The following CBL variants were observed in gnomAD, a reference collection of about 807,000 sequenced individuals.
The protein encoded by CBL is E3 ubiquitin-protein ligase CBL.
Under a neutral mutation model 96.9 loss-of-function variants are expected in CBL, and 45 were observed. That is an observed-to-expected ratio of 0.46 (90% CI 0.37 to 0.60). The LOEUF (loss-of-function observed/expected upper bound fraction) is 0.60. Ranked by LOEUF, CBL falls within the 20% of genes least tolerant of loss-of-function variation. CBL has a pLI of 0.00. For synonymous variants in CBL, 420 were observed against 426.8 expected (o/e 0.98, Z 0.20); for missense variants, 1,024 against 1,143.5 (o/e 0.90, Z 1.51).
chr11:119,276,257 G>A lies in CBL; in HGVS notation c.1007+123G>A, dbSNP rs1949888709. 2.9e-6 allele frequency: 3 copies of A among 1,020,458 alleles called. No individual in the cohort carries two copies. The East Asian group carries it at 7.3e-5, about 25-fold the overall frequency. 63.2% of individuals were successfully genotyped at this position (1,020,458 alleles called of 1,614,324 possible). A position where few individuals can be genotyped will look rare whatever the true frequency, so the allele number is the denominator to read the frequency against. On this transcript the variant is annotated intron_variant, in intron 6 of 15. Coordinates refer to ENST00000264033, the MANE Select transcript of CBL (RefSeq NM_005188.4). ...ACTAAGATTCAGGAAAATATTAACA[G>A]ATGATATTGATTTGACCTTCAGGTC...
At chr11:119,282,809 G>A (rs1036181006) in intron 9 of CBL, among the ~76,000 whole-genome samples, 3 of 152,268 alleles carry the variant, frequency 2.0e-5, no homozygotes, top group Admixed American at 6.5e-5. Context: ...ACGGCCACCC[G>A]CGGTGGCTCA....
intron 2 of CBL, among the ~76,000 whole-genome samples, chr11:119,258,852 A>G (rs1041978750): frequency 2.6e-5 from 4 of 152,120 alleles, no homozygotes; most frequent in African/African-American, 9.7e-5. Flanking sequence ...CATTGAATCT[A>G]TCGATTGCTT....
intron 2 of CBL, among the ~76,000 whole-genome samples, chr11:119,256,722 C>T (rs1460800695): frequency 6.6e-6 from 1 of 151,024 alleles, no homozygotes; most frequent in East Asian, 1.9e-4. Flanking sequence ...TGCCCTCCCA[C>T]CTCCCCGCTT....
rs992126448 is a variant in CBL at position 119,285,173 on chromosome 11, C to T, written c.1564-16C>T. On this transcript the variant is annotated splice_polypyrimidine_tract_variant and intron_variant, in intron 10 of 15. Transcript: ENST00000264033. Reference sequence around the variant, plus strand: ...TAGTGGGTTTTTACTGATTTGCTTTCACCCTGCTTCCACAGGCTGCTTCTG... The same window carrying T: ...TAGTGGGTTTTTACTGATTTGCTTTTACCCTGCTTCCACAGGCTGCTTCTG... The T allele has an allele frequency of 2.5e-6, 4 of 1,613,874 alleles. No individual in the cohort carries two copies. The highest frequency in any genetic ancestry group is 1.7e-6 in the Non-Finnish European group (2 of 1,180,028).
Position 119,303,988 on chromosome 11 carries a change from G to A in CBL, c.*4207G>A, listed in dbSNP as rs1409365645. ...TGGCTAACTATGTTTTAGAAGGGCT[G>A]GAGGTGTGGGCCCTGTCTTCGGGTC... On this transcript the variant is annotated 3_prime_UTR_variant, in exon 16 of 16. Transcript: ENST00000264033. 2 of 233,554 alleles carry A rather than the reference G, an allele frequency of 8.6e-6. No homozygotes were observed. Among genetic ancestry groups the A allele is most frequent in the Non-Finnish European group, 1.7e-5 (2 of 118,070 alleles). The allele number at this position is 233,554 out of a possible 1,614,324, so 14.5% of individuals were successfully genotyped here.
chr11:119,287,513 G>A (rs1591265321), intron 11 of CBL, among the ~76,000 whole-genome samples: 2 of 152,192 alleles, frequency 1.3e-5, no homozygotes, highest in Admixed American at 6.5e-5. Flanking sequence ...TGACTTTCTG[G>A]CAGCATCAGT....
chr11:119,299,380 C>G, intron 15 of CBL, 115 bp from the exon 16 acceptor site: 1 of 947,704 alleles, frequency 1.1e-6, no homozygotes. Flanking sequence ...CTGAAGAGCA[C>G]ATGTACCCAG....
intron 2 of CBL, among the ~76,000 whole-genome samples, chr11:119,258,143 G>A (rs1039030716): frequency 1.3e-5 from 2 of 152,116 alleles, no homozygotes; most frequent in African/African-American, 4.8e-5. Flanking sequence ...CAGGAGAATC[G>A]CTTGAACCTG....
chr11:119,215,286 T>C (rs1447136889), intron 1 of CBL, among the ~76,000 whole-genome samples: 2 of 152,184 alleles, frequency 1.3e-5, no homozygotes, highest in Admixed American at 1.3e-4. Flanking sequence ...GTCAAATTGG[T>C]CCTGGAGTCT....
intron 1 of CBL, among the ~76,000 whole-genome samples, chr11:119,219,148 C>G (rs2135255129): frequency 6.6e-6 from 1 of 152,186 alleles, no homozygotes. Context: ...GAGGCTGAGG[C>G]TGGTGGATCA....
chr11:119,231,369 T>C (rs186802848), intron 1 of CBL, among the ~76,000 whole-genome samples: 75 of 152,164 alleles, frequency 4.9e-4, no homozygotes, highest in Non-Finnish European at 9.6e-4. Context: ...ATTGCACCAT[T>C]GCACTCTAGC....
Position 119,287,900 on chromosome 11 carries a change from A to G in CBL, c.1990A>G (p.Ile664Val). Residue 664 changes from isoleucine to valine, a missense_variant, in exon 12 of 16, where the codon ATC becomes GTC. By Grantham distance (29) the Ile-to-Val change is conservative (BLOSUM62 3). Coordinates refer to ENST00000264033, the MANE Select transcript of CBL (RefSeq NM_005188.4). ...LVGPECDHPK[I>V]KPSSSANAIY... ...AGGTCCAGAGTGTGACCACCCCAAA[A>G]TCAAACCTTCCTCATCTGCCAATGC... is the stretch of plus-strand genomic sequence containing the variant. 6.2e-7 allele frequency: 1 copy of G among 1,613,826 alleles called. No homozygotes were observed. Among genetic ancestry groups the G allele is most frequent in the East Asian group, 2.2e-5 (1 of 44,882 alleles).
chr11:119,223,914 T>C (rs930028269), intron 1 of CBL, among the ~76,000 whole-genome samples: 24 of 152,158 alleles, frequency 1.6e-4, no homozygotes, highest in African/African-American at 5.1e-4. Flanking sequence ...TGTGAGCCAA[T>C]GCCCCTGGCA....
At chr11:119,287,812 G>GT in intron 11 of CBL, 40 bp from the exon 12 acceptor site, 1 of 1,266,024 alleles carries the variant, frequency 7.9e-7, no homozygotes, top group East Asian at 2.3e-5. Context: ...CTCAGCTGTG[G>GT]TAAGAAAGTT....
At chr11:119,227,236 T>C (rs1336723453) in intron 1 of CBL, among the ~76,000 whole-genome samples, 1 of 152,232 alleles carries the variant, frequency 6.6e-6, no homozygotes, top group African/African-American at 2.4e-5. Context: ...TGCCCAACTC[T>C]AGGCTACTGT....
At chr11:119,263,602 T>G (rs1452824563) in intron 2 of CBL, among the ~76,000 whole-genome samples, 4 of 152,204 alleles carry the variant, frequency 2.6e-5, no homozygotes, top group Non-Finnish European at 4.4e-5. Context: ...CATTGCTATT[T>G]TTAGATGTAT....
chr11:119,282,970 A>T (rs972592479), intron 9 of CBL, among the ~76,000 whole-genome samples: 5 of 150,896 alleles, frequency 3.3e-5, no homozygotes, highest in African/African-American at 1.2e-4. Context: ...GGTGGCGCAC[A>T]GCTTGTCCCA....
intron 2 of CBL, 52 bp downstream of exon 2, chr11:119,232,747 T>A (rs1949513889): frequency 6.4e-7 from 1 of 1,557,306 alleles, no homozygotes; most frequent in Non-Finnish European, 8.8e-7. Flanking sequence ...ACTGCCTGAA[T>A]GGGTAACACA....
At chr11:119,280,704 C>G (rs1456301426) in intron 9 of CBL, among the ~76,000 whole-genome samples, 1 of 152,064 alleles carries the variant, frequency 6.6e-6, no homozygotes, top group Non-Finnish European at 1.5e-5. Context: ...AGTTTTAATT[C>G]TTGAAACTGT....
Sources: allele counts gnomAD v4.1 joint callset (sites outside exome capture counted in the v4.1 genomes callset), GRCh38; gene constraint gnomAD v4.1.1; transcripts MANE v1.5; gene names NCBI Gene and HGNC (gene_info 2026-07-23, HGNC 2026-07-21).